ZNF682: variants seen among roughly 807,000 people sequenced by gnomAD.
ZNF682 encodes zinc finger protein 682.
Under a neutral mutation model 36.5 loss-of-function variants are expected in ZNF682, and 29 were observed. That is an observed-to-expected ratio of 0.80 (90% CI 0.59 to 1.08). ZNF682 has a LOEUF of 1.08. ZNF682 is among the 50% of genes least tolerant of loss of function. The pLI is 0.00. For missense variants in ZNF682, 561 were observed against 579.7 expected, an observed-to-expected ratio of 0.97 and a Z score of 0.33; for synonymous variants, 180 against 197.0, an observed-to-expected ratio of 0.91 and a Z score of 0.72.
At chr19:20,031,818 T>C (rs1438570338) in intron 1 of ZNF682, among the ~76,000 whole-genome samples, 2 of 151,724 alleles carry the variant, frequency 1.3e-5, no homozygotes, top group African/African-American at 4.8e-5. Context: ...GGCGGGTGCC[T>C]GTAGTCCCAG....
chr19:20,001,565 T>C (rs544971741), downstream of ZNF682, among the ~76,000 whole-genome samples: 1 of 152,314 alleles, frequency 6.6e-6, no homozygotes, highest in African/African-American at 2.4e-5. Context: ...GGGAATATTG[T>C]GTGTGTGTAC....
intron 3 of ZNF682, among the ~76,000 whole-genome samples, chr19:20,011,975 T>C (rs1206203410): frequency 6.6e-6 from 1 of 152,038 alleles, no homozygotes; most frequent in Non-Finnish European, 1.5e-5. Flanking sequence ...AGGCAGAGGT[T>C]GCAGTGAGCG....
At chr19:20,003,061 G>C (rs1036282054), downstream of ZNF682, among the ~76,000 whole-genome samples, 5 of 151,000 alleles carry the variant, frequency 3.3e-5, no homozygotes, top group Non-Finnish European at 5.9e-5. Context: ...CGTGGTGGTG[G>C]GCGCCTGTAG....
At position 20,006,791 on chromosome 19, in the gene ZNF682, A is replaced by G. The variant is rs1457088118; in HGVS notation, c.711T>C (p.Ala237=). ...TAGTAAGACTCGAGCACCAGTTAAA[A>G]GCTTTGCCACATTCTTCACATTTGT... is the stretch of plus-strand genomic sequence containing the variant. ...KPYKCEECGK[A]FNWCSSLTKH... is the part of the protein sequence containing the mutation. The change falls in exon 4 of 4, where the codon GCT becomes GCC. Residue 237 remains alanine, a synonymous_variant. Transcript: ENST00000397165. 1 of 1,613,772 alleles carries G rather than the reference A, an allele frequency of 6.2e-7. No homozygotes were observed. The highest frequency in any genetic ancestry group is 1.3e-5 in the African/African-American group (1 of 74,850).
At chr19:20,003,265 GA>G (rs1221514061), downstream of ZNF682, among the ~76,000 whole-genome samples, 1 of 135,262 alleles carries the variant, frequency 7.4e-6, no homozygotes, top group Non-Finnish European at 1.6e-5. Flanking sequence ...TTCTCCAATT[GA>G]AAAAAAATGT....
chr19:20,015,351 C>A (rs900198279), intron 3 of ZNF682: 6 of 985,014 alleles, frequency 6.1e-6, no homozygotes, highest in South Asian at 9.4e-5. Flanking sequence ...CCTATTCAGT[C>A]AAACACAGAG....
At chr19:20,034,838 T>G (rs957979462) in intron 1 of ZNF682, among the ~76,000 whole-genome samples, 4 of 151,562 alleles carry the variant, frequency 2.6e-5, no homozygotes, top group African/African-American at 9.7e-5. Context: ...GGCTCATGCC[T>G]GTAATCCAAG....
rs1417313066 is a variant in ZNF682 at position 20,005,743 on chromosome 19, A to G, written c.*262T>C. ...GTATCATTACACTTACATTGCTTTT[A>G]TCTAGCACAAAACCTCTGATGAGTA... On this transcript the variant is annotated 3_prime_UTR_variant, in exon 4 of 4. Coordinates refer to ENST00000397165, the MANE Select transcript of ZNF682 (RefSeq NM_033196.3). The G allele has an allele frequency of 2.2e-6, 1 of 450,220 alleles. No homozygotes were observed. Among genetic ancestry groups the G allele is most frequent in the African/African-American group, 2.0e-5 (1 of 51,054 alleles). 27.9% of individuals were successfully genotyped at this position (450,220 alleles called of 1,614,324 possible).
intron 1 of ZNF682, among the ~76,000 whole-genome samples, chr19:20,027,808 G>A (rs1226259628): frequency 1.3e-5 from 2 of 152,046 alleles, no homozygotes; most frequent in South Asian, 2.1e-4. Flanking sequence ...CAAAGCCTGG[G>A]GAGGCTGAGT....
At chr19:20,033,525 A>C (rs1228494058) in intron 1 of ZNF682, 3 of 152,312 alleles carry the variant, frequency 2.0e-5, no homozygotes, top group African/African-American at 7.2e-5. Flanking sequence ...AATAATGGAA[A>C]TGAAAGTGGT....
At chr19:20,030,868 TG>T (rs1195048198) in intron 1 of ZNF682, 1 of 152,198 alleles carries the variant, frequency 6.6e-6, no homozygotes, top group Non-Finnish European at 1.5e-5. Context: ...AAGTGAAAAC[TG>T]GAACAACTCC....
Position 20,012,373 on chromosome 19 carries a change from C to A in ZNF682, c.227-5098G>T, listed in dbSNP as rs564314817. The stretch of plus-strand genomic sequence containing the variant: ...AAAAAAAGGATCCAATAAGCACAAT[C>A]AAAAATGACAAACTATCAATAGACT... On this transcript the variant is annotated intron_variant, in intron 3 of 3. Transcript: ENST00000397165. 1.8e-4 allele frequency among the ~76,000 whole-genome samples: 27 copies of A among 152,190 alleles called. 1 individual carries two copies. In the South Asian group the frequency reaches 3.9e-3, roughly 22 times the overall value.
intron 1 of ZNF682, among the ~76,000 whole-genome samples, chr19:20,032,675 A>G (rs2088489475): frequency 6.6e-6 from 1 of 152,228 alleles, no homozygotes; most frequent in Non-Finnish European, 1.5e-5. Context: ...ACAATGGCAG[A>G]ACACAAAGCA....
rs1409538779 is a variant in ZNF682, at chr19:20,005,044, T to G, written c.*961A>C. The G allele has an allele frequency of 1.3e-5, 2 of 152,164 alleles. No homozygotes were observed. Among genetic ancestry groups the G allele is most frequent in the Admixed American group, 6.6e-5 (1 of 15,258 alleles). The allele number at this position is 152,164 out of a possible 1,614,324, so 9.4% of individuals were successfully genotyped here. The stretch of plus-strand genomic sequence containing the variant: ...TTAATTTTTTATTAATTTTTTATAT[T>G]TACTGCATCTGTTAAATGCTTTCAT... On this transcript the variant is annotated 3_prime_UTR_variant, in exon 4 of 4. Transcript: ENST00000397165.
chr19:20,022,891 C>G (rs2088398260), intron 3 of ZNF682, 113 bp downstream of exon 3: 1 of 873,676 alleles, frequency 1.1e-6, no homozygotes, highest in African/African-American at 1.7e-5. Flanking sequence ...AATCACGTTC[C>G]TCAAAAATCA....
chr19:20,030,451 T>C (rs1373728042), intron 1 of ZNF682, among the ~76,000 whole-genome samples: 1 of 151,992 alleles, frequency 6.6e-6, no homozygotes, highest in East Asian at 1.9e-4. Context: ...ACGCCTGTAA[T>C]CCCAGCTACT....
chr19:20,024,101 C>T lies in ZNF682; in HGVS notation c.130+149G>A. ...CATAAAACATCTTGAAAATTTTCTT[C>T]TCTATCCCAACAAATCCCCAAGTTT... On this transcript the variant is annotated intron_variant, in intron 2 of 3. Transcript: ENST00000397165. 7.8e-6 allele frequency: 7 copies of T among 897,068 alleles called. No individual in the cohort carries two copies. The South Asian group carries it at 1.2e-4, about 15-fold the overall frequency. 55.6% of individuals were successfully genotyped at this position (897,068 alleles called of 1,614,324 possible). A position where few individuals can be genotyped will look rare whatever the true frequency, so the allele number is the denominator to read the frequency against.
chr19:20,006,240 C>A lies in ZNF682; in HGVS notation c.1262G>T (p.Gly421Val), dbSNP rs747340915. ...TTCTTCACAGTTGTAGGGTTTCTCT[C>A]CAGTATGAATTCTCTTATGTTCAGT... is the stretch of plus-strand genomic sequence containing the variant. ...ILTEHKRIHTGEKPYNCEECG... is the reference protein window; with the variant it reads ...ILTEHKRIHTVEKPYNCEECG... The change falls in exon 4 of 4, where the codon GGA becomes GTA. Residue 421 changes from glycine (G) to valine (V), a missense_variant. By Grantham distance (109) the Gly-to-Val change is moderately radical (BLOSUM62 -3). Transcript: ENST00000397165. The A allele has an allele frequency of 4.0e-5, 64 of 1,613,696 alleles. 1 individual carries two copies. In the South Asian group the frequency reaches 6.0e-4, roughly 15 times the overall value.
exon 4 of ZNF682, chr19:19,997,118 T>A (rs2088132874): frequency 5.1e-6 from 2 of 395,518 alleles, no homozygotes; most frequent in Non-Finnish European, 8.9e-6. Flanking sequence ...AGCCAGTGCA[T>A]GCACTCCTCT....
Sources: gnomAD v4.1 joint callset for allele counts (sites outside exome capture counted in the v4.1 genomes callset) on GRCh38, gnomAD v4.1.1 for gene constraint, MANE v1.5 for transcripts, NCBI Gene and HGNC (gene_info 2026-07-23, HGNC 2026-07-21) for gene names.